KSR1: variants seen among roughly 807,000 people sequenced by gnomAD.
The protein encoded by KSR1 is kinase suppressor of ras 1, also known as kinase suppressor of ras.
A neutral mutation model predicts 92.9 loss-of-function variants in KSR1; 35 were observed. The observed-to-expected ratio is 0.38, with a 90% CI of 0.29 to 0.50. The LOEUF (loss-of-function observed/expected upper bound fraction) is 0.50, where lower values mean the gene tolerates loss of function less well. Ranked by LOEUF, KSR1 falls within the 20% of genes least tolerant of loss-of-function variation. The pLI, the probability that KSR1 is intolerant of heterozygous loss-of-function variation, is 0.94. For missense variants in KSR1, 972 were observed against 1,158.5 expected (o/e 0.84, Z 2.34); for synonymous variants, 467 against 472.6 (o/e 0.99, Z 0.15).
At chr17:27,468,486 C>T (rs933131361) in intron 1 of KSR1, among the ~76,000 whole-genome samples, 14 of 152,132 alleles carry the variant, frequency 9.2e-5, no homozygotes, top group Admixed American at 9.2e-4. Flanking sequence ...ACTTTGGCCT[C>T]CCAAAGTGCT....
rs911827863 is a variant in KSR1 at position 27,456,981 on chromosome 17, C to A, written c.231+107C>A. 35 of 687,978 alleles carry A rather than the reference C, an allele frequency of 5.1e-5. 1 individual carries two copies. Among genetic ancestry groups the A allele is most frequent in the Admixed American group, 4.2e-4 (20 of 47,730 alleles). The allele number at this position is 687,978 out of a possible 1,614,324, so 42.6% of individuals were successfully genotyped here. Reference sequence around the variant, plus strand: ...GCATCCTTGAGCCCGCGTCGCCCCCCTTGGAGGCTTCCCCTCCCTCCTGCA... The same window carrying A: ...GCATCCTTGAGCCCGCGTCGCCCCCATTGGAGGCTTCCCCTCCCTCCTGCA... On this transcript the variant is annotated intron_variant, in intron 1 of 20. Transcript: ENST00000644974.
At chr17:27,485,883 C>G (rs1441689860) in intron 1 of KSR1, among the ~76,000 whole-genome samples, 1 of 152,178 alleles carries the variant, frequency 6.6e-6, no homozygotes, top group Non-Finnish European at 1.5e-5. Flanking sequence ...CAGGGCTGCT[C>G]CCCCGAGGAT....
chr17:27,597,185 A>T, intron 9 of KSR1, 83 bp from the exon 10 acceptor site: 1 of 1,420,442 alleles, frequency 7.0e-7, no homozygotes, highest in Non-Finnish European at 9.6e-7. Flanking sequence ...CTTCCTTTCC[A>T]GATGGGGAAG....
At chr17:27,490,268 T>C (rs1248410366) in intron 1 of KSR1, among the ~76,000 whole-genome samples, 2 of 152,218 alleles carry the variant, frequency 1.3e-5, no homozygotes, top group Non-Finnish European at 2.9e-5. Flanking sequence ...TTATATGAGG[T>C]GGTTTTGTTG....
At position 27,589,207 on chromosome 17, in the gene KSR1, C is replaced by T. The variant is rs184395338; in HGVS notation, c.1046+672C>T. Among the ~76,000 whole-genome samples, 20 of 152,248 alleles carry T rather than the reference C, an allele frequency of 1.3e-4. No homozygotes were observed. In the South Asian group the frequency reaches 3.3e-3, roughly 25 times the overall value. Reference sequence around the variant, plus strand: ...TTACACGGCGTATCTGTGATCCTTCCCAAATCCTGTGAGGCTTAGCATTAA... The same window carrying T: ...TTACACGGCGTATCTGTGATCCTTCTCAAATCCTGTGAGGCTTAGCATTAA... On this transcript the variant is annotated intron_variant, in intron 6 of 20. Transcript: ENST00000644974.
At chr17:27,610,003 C>T in intron 16 of KSR1, 64 bp from the exon 17 acceptor site, 1 of 1,596,024 alleles carries the variant, frequency 6.3e-7, no homozygotes, top group Non-Finnish European at 8.5e-7. Flanking sequence ...AGACCTGTGC[C>T]AGGCAGGCCT....
At chr17:27,522,667 T>C (rs539456523) in intron 1 of KSR1, among the ~76,000 whole-genome samples, 1 of 152,266 alleles carries the variant, frequency 6.6e-6, no homozygotes, top group East Asian at 1.9e-4. Context: ...GTGAGTAGGC[T>C]GGATATGAAA....
rs774734313 is a variant in KSR1, at chr17:27,465,710, A to G, written c.231+8836A>G. Among the ~76,000 whole-genome samples, 58 of 152,284 alleles carry G rather than the reference A, an allele frequency of 3.8e-4. No homozygotes were observed. The Middle Eastern group carries it at 0.01, about 27-fold the overall frequency. On this transcript the variant is annotated intron_variant, in intron 1 of 20. Coordinates refer to ENST00000644974, the MANE Select transcript of KSR1 (RefSeq NM_001394583.1). ...AAGCGTTTTGCTTTCCGCAAATATG[A>G]TGTGGTAAGCTACTTTAAAGTGTGG...
At chr17:27,614,444 G>A (rs1375117057) in intron 18 of KSR1, among the ~76,000 whole-genome samples, 1 of 152,164 alleles carries the variant, frequency 6.6e-6, no homozygotes, top group Non-Finnish European at 1.5e-5. Flanking sequence ...TGCATACTTA[G>A]CATCTTGGAG....
intron 1 of KSR1, among the ~76,000 whole-genome samples, chr17:27,487,423 G>A (rs535219920): frequency 2.0e-5 from 3 of 151,966 alleles, no homozygotes; most frequent in African/African-American, 7.2e-5. Flanking sequence ...TGACAGGAGC[G>A]AGACTCCATC....
chr17:27,597,446 C>T lies in KSR1; in HGVS notation c.1468+10C>T, dbSNP rs778271557. On this transcript the variant is annotated intron_variant, in intron 10 of 20. Coordinates refer to ENST00000644974, the MANE Select transcript of KSR1 (RefSeq NM_001394583.1). ...AGGTTCAACTTCCCAGGTACCACATCTCCAGGCTTTTCTGGGTTCTAAGGG... is the reference window on the plus strand; with the variant it reads ...AGGTTCAACTTCCCAGGTACCACATTTCCAGGCTTTTCTGGGTTCTAAGGG... 6.3e-7 allele frequency: 1 copy of T among 1,594,258 alleles called. No homozygotes were observed. The highest frequency in any genetic ancestry group is 8.6e-7 in the Non-Finnish European group (1 of 1,168,240).
At chr17:27,558,137 C>T (rs2151106803) in intron 2 of KSR1, 1 of 152,694 alleles carries the variant, frequency 6.5e-6, no homozygotes, top group Middle Eastern at 3.4e-3. Context: ...TGTTAGAAAG[C>T]AAGCAAAGGC....
chr17:27,553,321 C>T (rs895666886), intron 2 of KSR1, among the ~76,000 whole-genome samples: 4 of 152,220 alleles, frequency 2.6e-5, no homozygotes, highest in African/African-American at 4.8e-5. Flanking sequence ...CCTGCACATA[C>T]GGCAGCTCTC....
At chr17:27,521,753 G>T (rs1335528385) in intron 1 of KSR1, among the ~76,000 whole-genome samples, 1 of 152,220 alleles carries the variant, frequency 6.6e-6, no homozygotes, top group East Asian at 1.9e-4. Flanking sequence ...TACTCTGATG[G>T]AGGCAGGTGG....
chr17:27,483,190 G>A (rs2068559683), intron 1 of KSR1, among the ~76,000 whole-genome samples: 1 of 152,076 alleles, frequency 6.6e-6, no homozygotes, highest in South Asian at 2.1e-4. Flanking sequence ...AATTCACATA[G>A]CAACTCATCA....
chr17:27,605,608 A>T lies in KSR1; in HGVS notation c.1789A>T (p.Ile597Phe), dbSNP rs1230639512. The change falls in exon 14 of 21, where the codon ATC becomes TTC. Residue 597 changes from isoleucine (I) to phenylalanine (F), a missense_variant. This residue lies in a region of KSR1 where 260 missense variants were observed against 375.2 expected (regional missense o/e 0.69). Transcript: ENST00000644974. ...CGAGCAGGTAGAGCTGGGCGAGCCCATCGGGCAGGGCCGCTGGGGCCGGGT... is the reference window on the plus strand; with the variant it reads ...CGAGCAGGTAGAGCTGGGCGAGCCCTTCGGGCAGGGCCGCTGGGGCCGGGT... The part of the protein sequence containing the change: ...PFEQVELGEP[I>F]GQGRWGRVHR... 2 of 1,605,282 alleles carry T rather than the reference A, an allele frequency of 1.2e-6. No individual in the cohort carries two copies. Among genetic ancestry groups the T allele is most frequent in the Non-Finnish European group, 1.7e-6 (2 of 1,176,580 alleles).
intron 1 of KSR1, among the ~76,000 whole-genome samples, chr17:27,469,643 CAGA>C (rs2019873653): frequency 2.0e-5 from 3 of 152,158 alleles, no homozygotes; most frequent in South Asian, 2.1e-4. Flanking sequence ...AACCAAGATA[CAGA>C]AGGAGTGCTG....
intron 2 of KSR1, among the ~76,000 whole-genome samples, chr17:27,574,425 G>A (rs1292263757): frequency 2.7e-5 from 4 of 148,050 alleles, no homozygotes; most frequent in Non-Finnish European, 6.0e-5. Flanking sequence ...GAGCTTCTTG[G>A]TACAGTTATG....
At chr17:27,523,566 T>C (rs1351546518) in intron 1 of KSR1, among the ~76,000 whole-genome samples, 1 of 152,200 alleles carries the variant, frequency 6.6e-6, no homozygotes, top group Non-Finnish European at 1.5e-5. Flanking sequence ...TTGCAAGACA[T>C]GACCAGTTTG....
Sources: allele counts gnomAD v4.1 joint callset (sites outside exome capture counted in the v4.1 genomes callset), GRCh38; gene constraint gnomAD v4.1.1; regional missense constraint gnomAD v4.1.1; transcripts MANE v1.5; gene names NCBI Gene and HGNC (gene_info 2026-07-23, HGNC 2026-07-21).